TMEM260: variants seen among roughly 807,000 people sequenced by gnomAD.
The protein encoded by TMEM260 is transmembrane protein 260.
TMEM260 carries 82 observed loss-of-function variants against 88.9 expected under a neutral mutation model. The ratio of observed to expected loss-of-function variants is 0.92; its 90% CI spans 0.77 to 1.11. The LOEUF is 1.11. Among genes scored for constraint, TMEM260 ranks in the 50% least tolerant of loss-of-function variants. The probability of loss-of-function intolerance (pLI) is 0.00; values close to 1 mark genes in which losing one functional copy is unlikely to be tolerated. For missense variants in TMEM260, 902 were observed against 853.4 expected, an observed-to-expected ratio of 1.06 and a Z score of -0.71; for synonymous variants, 314 against 309.3, an observed-to-expected ratio of 1.02 and a Z score of -0.16.
At chr14:56,639,831 A>G (rs1037217265) in intron 15 of TMEM260, among the ~76,000 whole-genome samples, 3 of 152,150 alleles carry the variant, frequency 2.0e-5, no homozygotes, top group Non-Finnish European at 4.4e-5. Context: ...ACACCAGGAG[A>G]TTATATTCTG....
intron 1 of TMEM260, among the ~76,000 whole-genome samples, chr14:56,580,910 G>C (rs533718427): frequency 6.6e-5 from 10 of 152,290 alleles, no homozygotes; most frequent in Admixed American, 2.0e-4. Context: ...CATGACTAGT[G>C]ATCCCCAAAT....
chr14:56,599,395 T>A (rs545765134), intron 3 of TMEM260, among the ~76,000 whole-genome samples: 1 of 152,258 alleles, frequency 6.6e-6, no homozygotes, highest in Non-Finnish European at 1.5e-5. Flanking sequence ...TCCTGCTCCA[T>A]CTCCACAGTC....
downstream of TMEM260, among the ~76,000 whole-genome samples, chr14:56,652,018 C>T (rs933440999): frequency 6.6e-6 from 1 of 152,260 alleles, no homozygotes; most frequent in African/African-American, 2.4e-5. Context: ...GAAATATTCC[C>T]TTAGATAGTT....
downstream of TMEM260, among the ~76,000 whole-genome samples, chr14:56,653,383 ATATACT>A (rs1890240458): frequency 6.6e-6 from 1 of 151,994 alleles, no homozygotes; most frequent in Non-Finnish European, 1.5e-5. Context: ...TCAATATAAA[ATATACT>A]TATTGTAGGT....
the TMEM260 span, among the ~76,000 whole-genome samples, chr14:56,659,930 G>T: frequency 6.6e-6 from 1 of 152,084 alleles, no homozygotes; most frequent in African/African-American, 2.4e-5. Flanking sequence ...TGGACAGTGG[G>T]TTGCAAGAAG....
rs1177802278 is a variant in TMEM260 at position 56,636,516 on chromosome 14, C to G, written c.1787C>G (p.Thr596Arg). The stretch of plus-strand genomic sequence containing the variant: ...CCTATCCCCACCCCCAGGATGAAAA[C>G]ACCGTTCTTCATCTTTAACCTGGCA... ...NEEMWQARMK[T>R]PFFIFNLAET... is the part of the protein sequence containing the mutation. Residue 596 changes from threonine to arginine, a missense_variant, in exon 15 of 16, where the codon ACA becomes AGA. Coordinates refer to ENST00000261556, the MANE Select transcript of TMEM260 (RefSeq NM_017799.4). 1 of 1,613,832 alleles carries G rather than the reference C, an allele frequency of 6.2e-7. No homozygotes were observed. Among genetic ancestry groups the G allele is most frequent in the Admixed American group, 1.7e-5 (1 of 60,018 alleles).
At chr14:56,580,216 G>T (rs1334222802) in intron 1 of TMEM260, 142 bp downstream of exon 1, 1 of 651,022 alleles carries the variant, frequency 1.5e-6, no homozygotes, top group Non-Finnish European at 2.2e-6. Context: ...GCGCACTATT[G>T]TGTGTTCCAG....
chr14:56,658,807 C>A, the TMEM260 span, among the ~76,000 whole-genome samples: 1 of 150,104 alleles, frequency 6.7e-6, no homozygotes, highest in Admixed American at 6.6e-5. Flanking sequence ...CTCAGCTCAC[C>A]GCAACCTCCG....
At chr14:56,634,184 A>AT (rs1888847666) in intron 13 of TMEM260, among the ~76,000 whole-genome samples, 1 of 152,148 alleles carries the variant, frequency 6.6e-6, no homozygotes, top group Admixed American at 6.5e-5. Flanking sequence ...TCCAGCAGTG[A>AT]TTTTCCAAGC....
intron 1 of TMEM260, among the ~76,000 whole-genome samples, chr14:56,583,990 TTGTGTGTGTGTGTGTG>T (rs10594077): frequency 2.7e-5 from 4 of 145,846 alleles, no homozygotes; most frequent in Non-Finnish European, 4.5e-5. Context: ...ATCCAGCCTT[TTGTGTGTGTGTGTGTG>T]TGTGTGTGTG....
chr14:56,643,426 A>G (rs527523303), intron 15 of TMEM260, among the ~76,000 whole-genome samples: 1 of 152,352 alleles, frequency 6.6e-6, no homozygotes, highest in East Asian at 1.9e-4. Flanking sequence ...TTATCTCAAT[A>G]GATGCAGAAA....
chr14:56,652,455 A>G (rs954736210), downstream of TMEM260, among the ~76,000 whole-genome samples: 1 of 147,492 alleles, frequency 6.8e-6, no homozygotes, highest in African/African-American at 2.5e-5. Context: ...CTGTGATTGC[A>G]CCACTGCACT....
intron 3 of TMEM260, among the ~76,000 whole-genome samples, chr14:56,593,518 TTTATATAAAACAAAATGTACTTAAA>T: frequency 6.6e-6 from 1 of 151,844 alleles, no homozygotes; most frequent in Non-Finnish European, 1.5e-5. Context: ...TATAAAATTA[TTTATATAAAACAAAATGTACTTAAA>T]TGACTTTTGG....
chr14:56,609,391 A>G (rs1255084924), intron 6 of TMEM260, 106 bp downstream of exon 6: 2 of 1,089,704 alleles, frequency 1.8e-6, no homozygotes, highest in African/African-American at 3.1e-5. Flanking sequence ...AGTAGATCAA[A>G]TGTTTGTTTT....
At chr14:56,588,080 C>G (rs1365064517) in intron 3 of TMEM260, among the ~76,000 whole-genome samples, 2 of 152,036 alleles carry the variant, frequency 1.3e-5, no homozygotes, top group Non-Finnish European at 2.9e-5. Flanking sequence ...GCTTGACTCC[C>G]TTATCAGAAT....
intron 1 of TMEM260, among the ~76,000 whole-genome samples, chr14:56,580,928 C>T (rs74052010): frequency 0.01 from 1,593 of 152,242 alleles, 38 homozygotes; most frequent in African/African-American, 0.037. Flanking sequence ...AATTGAGCAG[C>T]TTAAACAGCA....
At chr14:56,591,407 C>A (rs59761461) in intron 3 of TMEM260, among the ~76,000 whole-genome samples, 6,629 of 152,224 alleles carry the variant, frequency 0.044, 480 homozygotes, top group African/African-American at 0.15. Context: ...TAGTTTAATA[C>A]CCTCATTCTG....
chr14:56,649,672 G>C (rs1321438109), downstream of TMEM260, among the ~76,000 whole-genome samples: 1 of 151,942 alleles, frequency 6.6e-6, no homozygotes, highest in East Asian at 1.9e-4. Context: ...TTTCCTATTA[G>C]TAGCCTTAAG....
chr14:56,646,476 A>G (rs1048282978), intron 15 of TMEM260, among the ~76,000 whole-genome samples: 1 of 151,822 alleles, frequency 6.6e-6, no homozygotes, highest in East Asian at 1.9e-4. Flanking sequence ...CATTTTGCAG[A>G]TTTGTGTCTG....
Sources: gnomAD v4.1 joint callset for allele counts (sites outside exome capture counted in the v4.1 genomes callset) on GRCh38, gnomAD v4.1.1 for gene constraint, MANE v1.5 for transcripts, NCBI Gene and HGNC (gene_info 2026-07-23, HGNC 2026-07-21) for gene names.